Variants in PDE4A observed in about 807,000 individuals in gnomAD.
PDE4A encodes the protein phosphodiesterase 4A.
In PDE4A, 21 loss-of-function variants were observed where a neutral mutation model predicts 73.9. The observed-to-expected ratio is 0.28, with a 90% CI of 0.20 to 0.41. The LOEUF is 0.41. Among genes scored for constraint, PDE4A ranks in the 10% least tolerant of loss-of-function variants. The pLI is 1.00. For synonymous variants in PDE4A, 463 were observed against 505.4 expected, an observed-to-expected ratio of 0.92 and a Z score of 1.13; for missense variants, 958 against 1,211.4, an observed-to-expected ratio of 0.79 and a Z score of 3.10.
chr19:10,453,108 G>C lies in PDE4A; in HGVS notation c.784-1721G>C. On this transcript the variant is annotated intron_variant, in intron 6 of 14. Transcript: ENST00000380702. This position sits in a 1 kb window ranked among gnomAD's most constrained non-coding sequence, Gnocchi z 4.6. ...TGCTGCTGGGAGCGCGGAGGGGAAG[G>C]GAGCCCCCAGCCCTGCTGGGCCGGC... The C allele has an allele frequency of 7.4e-7, 1 of 1,353,178 alleles. No individual in the cohort carries two copies. Among genetic ancestry groups the C allele is most frequent in the African/African-American group, 1.5e-5 (1 of 65,594 alleles). The allele number at this position is 1,353,178 out of a possible 1,614,324, so 83.8% of individuals were successfully genotyped here. A position where few individuals can be genotyped will look rare whatever the true frequency, so the allele number is the denominator to read the frequency against.
intron 7 of PDE4A, among the ~76,000 whole-genome samples, chr19:10,456,171 G>T (rs2043167317): frequency 6.6e-6 from 1 of 151,828 alleles, no homozygotes; most frequent in South Asian, 2.1e-4. Flanking sequence ...AAAGAGGATC[G>T]CTTGAGCCCA....
intron 1 of PDE4A, among the ~76,000 whole-genome samples, chr19:10,445,165 G>C (rs1425390345): frequency 6.6e-6 from 1 of 152,172 alleles, no homozygotes. Flanking sequence ...GTGTTTCCAA[G>C]CTCGCCCTGG....
intron 7 of PDE4A, 87 bp from the exon 8 acceptor site, chr19:10,457,792 C>A: frequency 6.4e-7 from 1 of 1,558,116 alleles, no homozygotes; most frequent in South Asian, 1.2e-5. Flanking sequence ...TGAGCCTTCC[C>A]CGTACGTGGT....
intron 1 of PDE4A, among the ~76,000 whole-genome samples, chr19:10,432,176 C>G (rs1451902295): frequency 4.0e-4 from 7 of 17,364 alleles, no homozygotes; most frequent in Non-Finnish European, 2.2e-3. Flanking sequence ...AGGGAGGAGA[C>G]GGGGGGGGGG....
chr19:10,450,561 G>A lies in PDE4A; in HGVS notation c.621-42G>A, dbSNP rs777573302. The A allele has an allele frequency of 1.9e-6, 3 of 1,561,254 alleles. 1 individual carries two copies. Among genetic ancestry groups the A allele is most frequent in the South Asian group, 2.4e-5 (2 of 83,306 alleles). On this transcript the variant is annotated intron_variant, in intron 4 of 14. Coordinates refer to ENST00000380702, the MANE Select transcript of PDE4A (RefSeq NM_001111307.2). ...GCGGGAGGCAGGGACCTGGTGGGGG[G>A]ACCCAGGCTGACATTGCAGCCCCAT...
chr19:10,438,566 T>G (rs2145495434), intron 1 of PDE4A, among the ~76,000 whole-genome samples: 1 of 152,278 alleles, frequency 6.6e-6, no homozygotes, highest in South Asian at 2.1e-4. Context: ...ACTATTTGTC[T>G]TTTTCTGACT....
At chr19:10,451,041 A>G (rs2145544540) in intron 6 of PDE4A, 100 bp downstream of exon 6, 2 of 1,155,468 alleles carry the variant, frequency 1.7e-6, no homozygotes, top group South Asian at 1.4e-5. Flanking sequence ...CGGCCTGCGG[A>G]TGGAGCCAGC....
At chr19:10,443,890 C>T (rs2042969941) in intron 1 of PDE4A, among the ~76,000 whole-genome samples, 2 of 151,238 alleles carry the variant, frequency 1.3e-5, no homozygotes, top group South Asian at 2.1e-4. Context: ...GCCTGTAATC[C>T]CAGCTACTCG....
chr19:10,441,684 A>ATTTTTTTTTTTTTT (rs1308151510), intron 1 of PDE4A, among the ~76,000 whole-genome samples: 1 of 92,730 alleles, frequency 1.1e-5, no homozygotes, highest in Non-Finnish European at 2.1e-5. Context: ...ATTTTGAGTT[A>ATTTTTTTTTTTTTT]TTTTTTTTTT....
intron 1 of PDE4A, among the ~76,000 whole-genome samples, chr19:10,436,531 G>T (rs1234774843): frequency 2.7e-5 from 4 of 150,620 alleles, no homozygotes; most frequent in East Asian, 3.9e-4. Context: ...CTACAGCCTA[G>T]GCAATAAGAG....
At chr19:10,434,749 G>A (rs972150284) in intron 1 of PDE4A, among the ~76,000 whole-genome samples, 2 of 151,594 alleles carry the variant, frequency 1.3e-5, no homozygotes, top group Non-Finnish European at 2.9e-5. Context: ...CCGCCACCAC[G>A]CCTGGCTAAT....
In PDE4A at chr19:10,434,534, C is replaced by T. The variant is rs1240876232; in HGVS notation, c.321-11684C>T. ...CAGTTTCTTTGTCTGGAAAATGGAG[C>T]ATTAATGCATGTTACAGTATAGCAC... On this transcript the variant is annotated intron_variant, in intron 1 of 14. Coordinates refer to ENST00000380702, the MANE Select transcript of PDE4A (RefSeq NM_001111307.2). Among the ~76,000 whole-genome samples, 6 of 151,282 alleles carry T rather than the reference C, an allele frequency of 4.0e-5. No individual in the cohort carries two copies. In the East Asian group the frequency reaches 1.2e-3, roughly 30 times the overall value.
intron 14 of PDE4A, among the ~76,000 whole-genome samples, chr19:10,465,176 C>G (rs2043343696): frequency 6.6e-6 from 1 of 151,868 alleles, no homozygotes; most frequent in Non-Finnish European, 1.5e-5. Flanking sequence ...TTAGCAGAAT[C>G]CCTGGTCTCT....
chr19:10,428,931 A>G (rs1264859443), intron 1 of PDE4A: 3 of 962,638 alleles, frequency 3.1e-6, no homozygotes, highest in Admixed American at 1.2e-4. Flanking sequence ...GTGAAACCCC[A>G]TTTCTACTAA....
chr19:10,420,630 T>A lies in PDE4A; in HGVS notation c.-135T>A. On this transcript the variant is annotated 5_prime_UTR_variant, in exon 1 of 15. Transcript: ENST00000380702. This position sits in a 1 kb window ranked among gnomAD's most constrained non-coding sequence, Gnocchi z 6.0. ...GATTGGCCCGCAGCGCCCCCGGGTC[T>A]GTCCCCGGGGCGCCATGGCCCTACC... is the stretch of plus-strand genomic sequence containing the variant. 1 of 1,329,788 alleles carries A rather than the reference T, an allele frequency of 7.5e-7. No homozygotes were observed. Among genetic ancestry groups the A allele is most frequent in the Middle Eastern group, 2.8e-4 (1 of 3,564 alleles). 82.4% of individuals were successfully genotyped at this position (1,329,788 alleles called of 1,614,324 possible).
upstream of PDE4A, among the ~76,000 whole-genome samples, chr19:10,418,294 A>G (rs959953389): frequency 2.0e-5 from 3 of 152,138 alleles, no homozygotes; most frequent in Admixed American, 1.3e-4. Flanking sequence ...GATGTGAGAA[A>G]TATCTGCGAG....
chr19:10,426,843 G>A (rs935919039), intron 1 of PDE4A, among the ~76,000 whole-genome samples: 14 of 151,866 alleles, frequency 9.2e-5, no homozygotes, highest in Admixed American at 2.0e-4. Flanking sequence ...ACTCCAGCCT[G>A]GGTGACAAAG....
At chr19:10,425,291 A>G (rs1035506856) in intron 1 of PDE4A, among the ~76,000 whole-genome samples, 14 of 152,012 alleles carry the variant, frequency 9.2e-5, no homozygotes, top group African/African-American at 3.4e-4. Context: ...TTCACATGGC[A>G]GCCCTGCCCG....
upstream of PDE4A, chr19:10,420,490 C>T (rs982178612): frequency 1.4e-4 from 124 of 881,748 alleles, no homozygotes; most frequent in Middle Eastern, 1.2e-3. This position sits in a 1 kb window ranked among gnomAD's most constrained non-coding sequence, Gnocchi z 6.0. Flanking sequence ...GCGGAGGAGC[C>T]GGGGCTGGCG....
Sources: gnomAD v4.1 joint callset for allele counts (sites outside exome capture counted in the v4.1 genomes callset) on GRCh38, gnomAD v4.1.1 for gene constraint, Gnocchi (gnomAD v3.1) non-coding constraint, MANE v1.5 for transcripts, NCBI Gene and HGNC (gene_info 2026-07-23, HGNC 2026-07-21) for gene names.